The following MYO3A variants were observed in gnomAD, a reference collection of about 807,000 sequenced individuals.
MYO3A encodes the protein myosin IIIA.
A neutral mutation model predicts 192.7 loss-of-function variants in MYO3A; 180 were observed. The ratio of observed to expected loss-of-function variants is 0.93; its 90% CI spans 0.83 to 1.06. The LOEUF (loss-of-function observed/expected upper bound fraction) is 1.06, where lower values mean the gene tolerates loss of function less well. Ranked by LOEUF, MYO3A falls within the 50% of genes least tolerant of loss-of-function variation. The pLI is 0.00. For synonymous variants in MYO3A, 628 were observed against 645.3 expected (o/e 0.97, Z 0.41); for missense variants, 1,896 against 1,905.0 (o/e 1.00, Z 0.09).
intron 17 of MYO3A, among the ~76,000 whole-genome samples, chr10:26,119,358 C>A (rs544605407): frequency 6.6e-6 from 1 of 152,316 alleles, no homozygotes; most frequent in Admixed American, 6.5e-5. Context: ...AAACCAGGAT[C>A]TTTAGCCTAT....
intron 6 of MYO3A, among the ~76,000 whole-genome samples, chr10:26,011,198 G>A (rs1484934763): frequency 1.3e-5 from 2 of 152,120 alleles, no homozygotes; most frequent in African/African-American, 4.8e-5. Flanking sequence ...GGAGGCAGAT[G>A]TGTGTGAATC....
intron 23 of MYO3A, among the ~76,000 whole-genome samples, chr10:26,149,777 T>C (rs911267413): frequency 4.6e-5 from 7 of 152,180 alleles, no homozygotes; most frequent in Admixed American, 2.0e-4. Flanking sequence ...TCTACTCTCT[T>C]AGCAATTTTC....
chr10:26,039,298 C>T (rs1020605366), intron 10 of MYO3A, among the ~76,000 whole-genome samples: 3 of 146,752 alleles, frequency 2.0e-5, no homozygotes, highest in African/African-American at 7.6e-5. Context: ...AACCTCAGGT[C>T]ATCCGCCTGT....
intron 7 of MYO3A, among the ~76,000 whole-genome samples, chr10:26,018,176 A>G (rs775305733): frequency 6.6e-6 from 1 of 151,986 alleles, no homozygotes; most frequent in Non-Finnish European, 1.5e-5. Flanking sequence ...ATAAACCTAT[A>G]GTAGCACAGT....
chr10:26,043,335 G>T (rs1258863407), intron 10 of MYO3A, among the ~76,000 whole-genome samples: 1 of 148,170 alleles, frequency 6.7e-6, no homozygotes, highest in African/African-American at 2.4e-5. Context: ...TTTGCTCAAG[G>T]CATTGGAGTT....
At position 26,174,257 on chromosome 10, in the gene MYO3A, C is replaced by T. The variant is rs373422750; in HGVS notation, c.3993C>T (p.Val1331=). 7.8e-5 allele frequency: 126 copies of T among 1,613,866 alleles called. No individual in the cohort carries two copies. Among genetic ancestry groups the T allele is most frequent in the Non-Finnish European group, 1.0e-4 (120 of 1,179,978 alleles). Residue 1331 remains valine, a synonymous_variant, in exon 30 of 35, where the codon GTC becomes GTT. Coordinates refer to ENST00000642920, the MANE Select transcript of MYO3A (RefSeq NM_017433.5). The stretch of plus-strand genomic sequence containing the variant: ...GAGGCCGTCTGAGGCATGAGACAGT[C>T]AAAGAGAGGCAAGTTGAACCAGTGA... ...EGRGRLRHET[V]KERQVEPVTQ...
intron 2 of MYO3A, among the ~76,000 whole-genome samples, chr10:25,937,403 C>T (rs776475772): frequency 1.2e-4 from 18 of 151,676 alleles, no homozygotes; most frequent in Non-Finnish European, 2.4e-4. Context: ...ATATGGCTCA[C>T]ACAATAGCTT....
Position 26,125,580 on chromosome 10 carries a change from AGTTTGTT to A in MYO3A, c.2088_2094del (p.Ser696ArgfsTer14), listed in dbSNP as rs747123669. On this transcript the variant is annotated frameshift_variant, in exon 19 of 35. Transcript: ENST00000642920. LOFTEE classifies it high-confidence loss of function. ...TAGTTGGATAGTCAATTGCATTAACAGTTTGTTGAAGCATGACTCATCACCAAGGTAA... is the reference window on the plus strand; with the variant it reads ...TAGTTGGATAGTCAATTGCATTAACAGAAGCATGACTCATCACCAAGGTAA... 8.7e-6 allele frequency: 14 copies of A among 1,613,900 alleles called. No homozygotes were observed. The highest frequency in any genetic ancestry group is 2.7e-5 in the African/African-American group (2 of 74,942).
intron 10 of MYO3A, among the ~76,000 whole-genome samples, chr10:26,042,029 T>A (rs1049881931): frequency 4.6e-5 from 7 of 152,126 alleles, no homozygotes; most frequent in African/African-American, 1.7e-4. Context: ...ATCCCTAATT[T>A]TGTTTGTGTG....
chr10:26,078,749 G>C (rs1419737851), intron 14 of MYO3A, among the ~76,000 whole-genome samples: 1 of 151,930 alleles, frequency 6.6e-6, no homozygotes, highest in African/African-American at 2.4e-5. Context: ...TTTCCCTCTT[G>C]ATTTTGTTTT....
chr10:26,062,718 G>T (rs192044272), intron 10 of MYO3A, among the ~76,000 whole-genome samples: 78 of 152,102 alleles, frequency 5.1e-4, no homozygotes, highest in African/African-American at 1.8e-3. Flanking sequence ...TAGAAGATGT[G>T]ATCAACTGAG....
chr10:26,105,958 G>T (rs2131613203), intron 17 of MYO3A, among the ~76,000 whole-genome samples: 1 of 151,984 alleles, frequency 6.6e-6, no homozygotes, highest in South Asian at 2.1e-4. Flanking sequence ...ATCTATTTTT[G>T]ATGCCTCTAT....
At chr10:26,148,750 G>C (rs1840618764) in intron 23 of MYO3A, among the ~76,000 whole-genome samples, 1 of 152,172 alleles carries the variant, frequency 6.6e-6, no homozygotes, top group Non-Finnish European at 1.5e-5. Flanking sequence ...ATTTTTATGT[G>C]ATTATAAATG....
chr10:26,208,054 T>A (rs1050742428), intron 34 of MYO3A, among the ~76,000 whole-genome samples: 2 of 151,640 alleles, frequency 1.3e-5, no homozygotes, highest in African/African-American at 4.8e-5. Context: ...TTTTCTTGAT[T>A]TTTTTTTTGA....
intron 18 of MYO3A, among the ~76,000 whole-genome samples, chr10:26,122,947 G>C (rs1030612517): frequency 7.7e-4 from 117 of 152,278 alleles, no homozygotes; most frequent in African/African-American, 2.7e-3. Context: ...ACACTGTTCA[G>C]AAACAGATCC....
intron 17 of MYO3A, among the ~76,000 whole-genome samples, chr10:26,116,816 T>A (rs1838534016): frequency 6.6e-6 from 1 of 152,170 alleles, no homozygotes. Context: ...GCACCCTTGA[T>A]CCCTACTCCA....
chr10:26,012,501 A>C (rs1841727272), intron 6 of MYO3A, among the ~76,000 whole-genome samples: 1 of 152,130 alleles, frequency 6.6e-6, no homozygotes, highest in African/African-American at 2.4e-5. Flanking sequence ...AGCTGCAAAC[A>C]AAATAAAAAT....
At chr10:26,073,288 G>A (rs12269051) in intron 14 of MYO3A, among the ~76,000 whole-genome samples, 71,941 of 151,728 alleles carry the variant, frequency 0.47, 17,827 homozygotes, top group Middle Eastern at 0.59. Context: ...ATTTTTGGAT[G>A]AGGCCGGGAG....
At chr10:26,088,076 C>G (rs1836452509) in intron 14 of MYO3A, 127 bp from the exon 15 acceptor site, 2 of 742,126 alleles carry the variant, frequency 2.7e-6, no homozygotes, top group African/African-American at 1.8e-5. Flanking sequence ...TAACATCTGC[C>G]AATATATCAG....
Sources: allele counts gnomAD v4.1 joint callset (sites outside exome capture counted in the v4.1 genomes callset), GRCh38; gene constraint gnomAD v4.1.1; transcripts MANE v1.5; gene names NCBI Gene and HGNC (gene_info 2026-07-23, HGNC 2026-07-21).